The following SLC35F1 variants were observed in gnomAD, a reference collection of about 807,000 sequenced individuals.
The protein encoded by SLC35F1 is chromosome 6 open reading frame 169.
A neutral mutation model predicts 48.7 loss-of-function variants in SLC35F1; 14 were observed. That is an observed-to-expected ratio of 0.29 (90% CI 0.19 to 0.45). The LOEUF is 0.45. Ranked by LOEUF, SLC35F1 falls within the 20% of genes least tolerant of loss-of-function variation. The pLI is 1.00. For missense variants in SLC35F1, 404 were observed against 500.0 expected (o/e 0.81, Z 1.83); for synonymous variants, 190 against 202.2 (o/e 0.94, Z 0.51).
chr6:117,936,135 T>A (rs1186894263), intron 1 of SLC35F1, among the ~76,000 whole-genome samples: 1 of 152,204 alleles, frequency 6.6e-6, no homozygotes, highest in Non-Finnish European at 1.5e-5. Flanking sequence ...AAATAACATT[T>A]CTGCTTACTA....
chr6:118,007,868 A>G (rs754965614), intron 1 of SLC35F1, among the ~76,000 whole-genome samples: 1 of 151,874 alleles, frequency 6.6e-6, no homozygotes, highest in South Asian at 2.1e-4. Context: ...GTGGGGCTGC[A>G]TTTCTTTTCT....
chr6:117,934,137 G>C (rs573590760), intron 1 of SLC35F1, among the ~76,000 whole-genome samples: 1 of 152,298 alleles, frequency 6.6e-6, no homozygotes, highest in African/African-American at 2.4e-5. Context: ...AGCAGTTGCT[G>C]TTGGGCATCT....
intron 1 of SLC35F1, among the ~76,000 whole-genome samples, chr6:117,996,536 A>C (rs1176458859): frequency 6.6e-6 from 1 of 152,118 alleles, no homozygotes; most frequent in African/African-American, 2.4e-5. Flanking sequence ...ACCCCCCAGT[A>C]GGGGCAGACT....
intron 5 of SLC35F1, among the ~76,000 whole-genome samples, chr6:118,277,016 C>T (rs1213090734): frequency 2.0e-5 from 3 of 152,110 alleles, no homozygotes; most frequent in East Asian, 1.9e-4. Context: ...TGGATCTCAC[C>T]GGATCTCTGA....
At chr6:118,274,598 A>T (rs1775896816) in intron 4 of SLC35F1, among the ~76,000 whole-genome samples, 1 of 152,076 alleles carries the variant, frequency 6.6e-6, no homozygotes, top group Non-Finnish European at 1.5e-5. Flanking sequence ...AGGTTTTGCC[A>T]TATTGGCCAG....
intron 2 of SLC35F1, among the ~76,000 whole-genome samples, chr6:118,218,740 C>A (rs1233860318): frequency 5.9e-5 from 9 of 152,146 alleles, no homozygotes; most frequent in Non-Finnish European, 1.3e-4. Context: ...AATTTTGGTT[C>A]CCAAGGGTTC....
At chr6:117,980,637 C>T (rs1776765390) in intron 1 of SLC35F1, among the ~76,000 whole-genome samples, 1 of 152,100 alleles carries the variant, frequency 6.6e-6, no homozygotes, top group Non-Finnish European at 1.5e-5. Flanking sequence ...CTTTAGGGAG[C>T]TCAAATTTTA....
At chr6:118,249,205 A>T (rs1198214898) in intron 3 of SLC35F1, among the ~76,000 whole-genome samples, 1 of 152,228 alleles carries the variant, frequency 6.6e-6, no homozygotes, top group African/African-American at 2.4e-5. Context: ...GTTCGAAGGC[A>T]CTTATCTTCT....
intron 1 of SLC35F1, among the ~76,000 whole-genome samples, chr6:118,083,055 A>C (rs369586440): frequency 1.3e-5 from 2 of 152,280 alleles, no homozygotes. Context: ...TTATCTAAAA[A>C]ACAAATTGAA....
chr6:118,064,590 G>A (rs2114281246), intron 1 of SLC35F1, among the ~76,000 whole-genome samples: 1 of 152,228 alleles, frequency 6.6e-6, no homozygotes, highest in East Asian at 1.9e-4. Flanking sequence ...GACTCAGTGG[G>A]TTCATAGTGA....
chr6:117,969,207 C>T (rs1776608211), intron 1 of SLC35F1, among the ~76,000 whole-genome samples: 1 of 152,112 alleles, frequency 6.6e-6, no homozygotes, highest in Non-Finnish European at 1.5e-5. Flanking sequence ...ATAAATTTAT[C>T]TGTAATATAG....
intron 2 of SLC35F1, among the ~76,000 whole-genome samples, chr6:118,191,098 A>G (rs1774727065): frequency 6.6e-6 from 1 of 152,186 alleles, no homozygotes; most frequent in Non-Finnish European, 1.5e-5. Context: ...ATGCCCTTCT[A>G]GAAGAGTAAA....
chr6:117,967,405 A>G (rs920636825), intron 1 of SLC35F1, among the ~76,000 whole-genome samples: 1 of 152,228 alleles, frequency 6.6e-6, no homozygotes, highest in Admixed American at 6.5e-5. Flanking sequence ...AATTTAAGTA[A>G]TCAGCAAAAA....
intron 1 of SLC35F1, among the ~76,000 whole-genome samples, chr6:118,030,152 T>C (rs1050327508): frequency 2.0e-5 from 3 of 152,200 alleles, no homozygotes; most frequent in Non-Finnish European, 2.9e-5. Flanking sequence ...TCACATTCCA[T>C]GTGCAAAGTT....
At chr6:117,910,203 G>A (rs1160552589) in intron 1 of SLC35F1, among the ~76,000 whole-genome samples, 3 of 152,164 alleles carry the variant, frequency 2.0e-5, no homozygotes, top group African/African-American at 7.2e-5. Flanking sequence ...CCTTAATAGT[G>A]GCTATAGAGT....
At chr6:118,012,337 A>G (rs1777260701) in intron 1 of SLC35F1, among the ~76,000 whole-genome samples, 1 of 151,774 alleles carries the variant, frequency 6.6e-6, no homozygotes, top group African/African-American at 2.4e-5. Context: ...AAAAAAAAAA[A>G]AAAGAAAAAC....
At chr6:117,953,653 A>G in intron 1 of SLC35F1, among the ~76,000 whole-genome samples, 1 of 152,242 alleles carries the variant, frequency 6.6e-6, no homozygotes, top group East Asian at 1.9e-4. Context: ...GCCAGGGACC[A>G]GAACAGTAGG....
Position 118,209,899 on chromosome 6 carries a change from G to A in SLC35F1, c.350-25610G>A, listed in dbSNP as rs573107879. Among the ~76,000 whole-genome samples, 3 of 152,188 alleles carry A rather than the reference G, an allele frequency of 2.0e-5. No individual in the cohort carries two copies. The South Asian group carries it at 6.2e-4, about 32-fold the overall frequency. Reference sequence around the variant, plus strand: ...ATTTCTCTTAATTCTATCCTCCAGGGCAATCTATATGACAAAAAGGAACAG... The same window carrying A: ...ATTTCTCTTAATTCTATCCTCCAGGACAATCTATATGACAAAAAGGAACAG... On this transcript the variant is annotated intron_variant, in intron 2 of 7. Transcript: ENST00000360388.
At chr6:118,163,260 G>A (rs1329888408) in intron 2 of SLC35F1, among the ~76,000 whole-genome samples, 1 of 152,004 alleles carries the variant, frequency 6.6e-6, no homozygotes, top group Non-Finnish European at 1.5e-5. Context: ...CACCGTGCCT[G>A]GCCAATGTGT....
Sources: gnomAD v4.1 joint callset for allele counts (sites outside exome capture counted in the v4.1 genomes callset) on GRCh38, gnomAD v4.1.1 for gene constraint, MANE v1.5 for transcripts, NCBI Gene and HGNC (gene_info 2026-07-23, HGNC 2026-07-21) for gene names.